NBR1: variants seen among roughly 807,000 people sequenced by gnomAD.
NBR1 encodes NBR1 autophagy cargo receptor.
A neutral mutation model predicts 115.5 loss-of-function variants in NBR1; 59 were observed. That is an observed-to-expected ratio of 0.51 (90% confidence interval 0.41 to 0.63). The LOEUF (loss-of-function observed/expected upper bound fraction) is 0.63, where lower values mean the gene tolerates loss of function less well. NBR1 is among the 30% of genes least tolerant of loss of function. The pLI is 0.00. For synonymous variants in NBR1, 373 were observed against 414.7 expected, an observed-to-expected ratio of 0.90 and a Z score of 1.22; for missense variants, 1,043 against 1,150.5, an observed-to-expected ratio of 0.91 and a Z score of 1.35.
chr17:43,195,313 G>A, intron 14 of NBR1: 2 of 409,442 alleles, frequency 4.9e-6, no homozygotes, highest in East Asian at 1.2e-4. Context: ...ACCAGCCTGG[G>A]CAACATGGTG....
At chr17:43,178,427 A>G (rs887356657) in intron 3 of NBR1, among the ~76,000 whole-genome samples, 1 of 145,168 alleles carries the variant, frequency 6.9e-6, no homozygotes, top group Non-Finnish European at 1.5e-5. Flanking sequence ...CCTAGGCTGG[A>G]GTGCAGTGGT....
chr17:43,202,813 G>C, intron 19 of NBR1, 101 bp downstream of exon 19: 1 of 895,322 alleles, frequency 1.1e-6, no homozygotes, highest in Non-Finnish European at 1.7e-6. Flanking sequence ...TCTTCAGAGA[G>C]CAGAGAAGGG....
intron 20 of NBR1, among the ~76,000 whole-genome samples, chr17:43,204,746 CAG>C (rs2057279628): frequency 6.8e-6 from 1 of 147,820 alleles, no homozygotes; most frequent in African/African-American, 2.5e-5. Context: ...TCCAGGGAGT[CAG>C]AGCTTGCAGT....
At chr17:43,189,559 T>C in intron 7 of NBR1, 29 bp from the exon 8 acceptor site, 1 of 1,567,522 alleles carries the variant, frequency 6.4e-7, no homozygotes, top group Non-Finnish European at 8.8e-7. Flanking sequence ...GAACTGAGTT[T>C]TTTCCCTACC....
In NBR1 at chr17:43,209,476, A is replaced by G. The variant is rs947899217; in HGVS notation, c.2728-425A>G. ...GTCCAGCTCCTCTGCATATCTGACAAAATTTCCCATAGCATCTTTCAGTAA... is the reference window on the plus strand; with the variant it reads ...GTCCAGCTCCTCTGCATATCTGACAGAATTTCCCATAGCATCTTTCAGTAA... On this transcript the variant is annotated intron_variant, in intron 20 of 20. Coordinates refer to ENST00000590996, the MANE Select transcript of NBR1 (RefSeq NM_005899.5). 6 of 1,189,306 alleles carry G rather than the reference A, an allele frequency of 5.0e-6. No individual in the cohort carries two copies. The African/African-American group carries it at 6.1e-5, about 12-fold the overall frequency. The allele number at this position is 1,189,306 out of a possible 1,614,324, so 73.7% of individuals were successfully genotyped here.
At chr17:43,189,301 G>GA (rs567639881) in intron 7 of NBR1, among the ~76,000 whole-genome samples, 182 bp downstream of exon 7, 33 of 152,132 alleles carry the variant, frequency 2.2e-4, no homozygotes, top group Non-Finnish European at 3.5e-4. Flanking sequence ...TGAAGTGTCA[G>GA]AAAAAGAGGG....
chr17:43,210,110 A>C lies in NBR1; in HGVS notation c.*36A>C. 1 of 1,577,932 alleles carries C rather than the reference A, an allele frequency of 6.3e-7. No homozygotes were observed. Among genetic ancestry groups the C allele is most frequent in the South Asian group, 1.2e-5 (1 of 86,336 alleles). On this transcript the variant is annotated 3_prime_UTR_variant, in exon 21 of 21. Transcript: ENST00000590996. ...TGTATTAAATAACTGCCTGCTGCTC[A>C]GAGATGATCTTTATTCTGTCATTGG...
At chr17:43,192,020 CTT>C (rs34920601) in intron 10 of NBR1, among the ~76,000 whole-genome samples, 3 of 107,546 alleles carry the variant, frequency 2.8e-5, no homozygotes, top group Non-Finnish European at 5.2e-5. Context: ...CAGCACCCGG[CTT>C]TTTTTTTTTT....
intron 9 of NBR1, 131 bp from the exon 10 acceptor site, chr17:43,191,241 G>A (rs1049313641): frequency 4.6e-5 from 31 of 675,642 alleles, no homozygotes; most frequent in Middle Eastern, 7.8e-4. Flanking sequence ...ATGACAGAGT[G>A]AGACCCTAAT....
intron 4 of NBR1, 44 bp downstream of exon 4, chr17:43,179,456 A>G: frequency 6.4e-7 from 1 of 1,564,828 alleles, no homozygotes; most frequent in Non-Finnish European, 8.8e-7. Context: ...TAAAAACCTT[A>G]ATCTGCTCAT....
intron 20 of NBR1, among the ~76,000 whole-genome samples, chr17:43,205,499 G>A (rs2057296103): frequency 6.6e-6 from 1 of 152,178 alleles, no homozygotes; most frequent in Non-Finnish European, 1.5e-5. Context: ...GGGAGGGAAA[G>A]GGTATTGTAG....
chr17:43,179,496 A>ATT, intron 4 of NBR1, 84 bp downstream of exon 4: 1 of 1,274,836 alleles, frequency 7.8e-7, no homozygotes, highest in Admixed American at 1.8e-5. Context: ...CTCAAACCTT[A>ATT]TTGCAGTATT....
chr17:43,190,184 G>T, intron 8 of NBR1: 1 of 305,836 alleles, frequency 3.3e-6, no homozygotes, highest in Non-Finnish European at 6.2e-6. Context: ...ACCCTCCCAG[G>T]CTCAGACAAT....
Position 43,186,303 on chromosome 17 carries a change from T to C in NBR1, c.261T>C (p.His87=). 4 of 1,589,474 alleles carry C rather than the reference T, an allele frequency of 2.5e-6. No individual in the cohort carries two copies. The highest frequency in any genetic ancestry group is 3.4e-6 in the Non-Finnish European group (4 of 1,167,858). ...QLQMQVHEGH[H]VVDEAPPPVV... Reference sequence around the variant, plus strand: ...AGATGCAAGTCCACGAAGGGCACCATGTCGTTGATGAAGCCCCACCCCCAG... The same window carrying C: ...AGATGCAAGTCCACGAAGGGCACCACGTCGTTGATGAAGCCCCACCCCCAG... The change falls in exon 6 of 21, where the codon CAT becomes CAC. Residue 87 remains histidine (H), a synonymous_variant. Coordinates refer to ENST00000590996, the MANE Select transcript of NBR1 (RefSeq NM_005899.5).
chr17:43,206,565 G>A (rs1034371740), intron 20 of NBR1, among the ~76,000 whole-genome samples: 1 of 151,776 alleles, frequency 6.6e-6, no homozygotes, highest in Admixed American at 6.6e-5. Flanking sequence ...TGAGGCAGAA[G>A]AATTGCTTGA....
intron 16 of NBR1, among the ~76,000 whole-genome samples, chr17:43,199,087 A>T (rs990252146): frequency 5.5e-5 from 8 of 146,430 alleles, no homozygotes; most frequent in Non-Finnish European, 1.1e-4. Flanking sequence ...TTTATGGGTA[A>T]TTTTTTTTTT....
At chr17:43,183,132 A>G (rs1385941788) in intron 5 of NBR1, among the ~76,000 whole-genome samples, 2 of 151,460 alleles carry the variant, frequency 1.3e-5, no homozygotes, top group African/African-American at 2.4e-5. Flanking sequence ...GGCTTAAGCA[A>G]CCCATCCACC....
chr17:43,202,629 C>A, intron 18 of NBR1, 26 bp from the exon 19 acceptor site: 1 of 1,553,906 alleles, frequency 6.4e-7, no homozygotes, highest in Non-Finnish European at 8.7e-7. Flanking sequence ...GATGCTGCAT[C>A]TAACCAACAG....
At chr17:43,189,263 C>A in intron 7 of NBR1, 144 bp downstream of exon 7, 1 of 672,586 alleles carries the variant, frequency 1.5e-6, no homozygotes. Context: ...TAGAACAGTT[C>A]CAGTCGAGAA....
Sources: allele counts gnomAD v4.1 joint callset (sites outside exome capture counted in the v4.1 genomes callset), GRCh38; gene constraint gnomAD v4.1.1; transcripts MANE v1.5; gene names NCBI Gene and HGNC (gene_info 2026-07-23, HGNC 2026-07-21).